The following NPSR1 variants were observed in gnomAD, a reference collection of about 807,000 sequenced individuals.
NPSR1 encodes neuropeptide S receptor 1.
Under a neutral mutation model 46.9 loss-of-function variants are expected in NPSR1, and 48 were observed. The ratio of observed to expected loss-of-function variants is 1.02; its 90% confidence interval spans 0.81 to 1.30. The LOEUF (loss-of-function observed/expected upper bound fraction) is 1.30. Ranked by LOEUF, NPSR1 falls within the 50% of genes most tolerant of loss-of-function variation. The pLI is 0.00. For synonymous variants in NPSR1, 176 were observed against 168.1 expected, an observed-to-expected ratio of 1.05 and a Z score of -0.36; for missense variants, 450 against 449.5, an observed-to-expected ratio of 1.00 and a Z score of -0.01.
chr7:34,789,684 T>A (rs1787630546), intron 3 of NPSR1, among the ~76,000 whole-genome samples: 1 of 126,576 alleles, frequency 7.9e-6, no homozygotes, highest in Admixed American at 1.0e-4. Context: ...TCCCAACTAC[T>A]CAGGAGGCTG....
At chr7:34,878,163 T>A (rs368014997) in exon 9 of NPSR1, 22 of 1,600,880 alleles carry the variant, frequency 1.4e-5, no homozygotes, top group Non-Finnish European at 1.9e-5. Context: ...CAGGTGTACC[T>A]TCCTGGGCTC....
chr7:34,711,685 ACT>A (rs971009679), intron 2 of NPSR1, among the ~76,000 whole-genome samples: 2 of 152,234 alleles, frequency 1.3e-5, no homozygotes, highest in Non-Finnish European at 2.9e-5. Flanking sequence ...GCTGAGAAAC[ACT>A]GAGACGATGC....
At chr7:34,697,610 CAATGT>C (rs1376463911) in intron 2 of NPSR1, among the ~76,000 whole-genome samples, 1 of 151,800 alleles carries the variant, frequency 6.6e-6, no homozygotes, top group Non-Finnish European at 1.5e-5. Context: ...ATTTCTAATG[CAATGT>C]AAATTCTATA....
At position 34,780,986 on chromosome 7, in the gene NPSR1, G is replaced by A. The variant is rs528362215; in HGVS notation, c.384+2421G>A. The stretch of plus-strand genomic sequence containing the variant: ...GACTAACCAAAGCTTAAGAACATAC[G>A]CTGAGTAATGAGATATCCATAGGGG... On this transcript the variant is annotated intron_variant, in intron 3 of 8. Coordinates refer to ENST00000360581, the MANE Select transcript of NPSR1 (RefSeq NM_207172.2). 9.2e-5 allele frequency among the ~76,000 whole-genome samples: 14 copies of A among 152,248 alleles called. No homozygotes were observed. The South Asian group carries it at 2.5e-3, about 27-fold the overall frequency.
At chr7:34,754,581 C>T (rs2128725726) in intron 2 of NPSR1, among the ~76,000 whole-genome samples, 1 of 152,066 alleles carries the variant, frequency 6.6e-6, no homozygotes, top group East Asian at 1.9e-4. Flanking sequence ...GAGGCCCAGA[C>T]AGGCTTCACC....
chr7:34,697,288 G>A (rs772961869), intron 2 of NPSR1, among the ~76,000 whole-genome samples: 7 of 151,946 alleles, frequency 4.6e-5, no homozygotes, highest in Non-Finnish European at 7.4e-5. Context: ...CCTGGATGTA[G>A]TAAAAGTACT....
At chr7:34,733,816 T>C (rs1031322899) in intron 2 of NPSR1, among the ~76,000 whole-genome samples, 3 of 152,246 alleles carry the variant, frequency 2.0e-5, no homozygotes, top group Non-Finnish European at 4.4e-5. Flanking sequence ...TAAAATTACA[T>C]GACTTTCCAG....
At chr7:34,662,771 C>T (rs1418254541) in intron 1 of NPSR1, among the ~76,000 whole-genome samples, 6 of 152,100 alleles carry the variant, frequency 3.9e-5, no homozygotes, top group African/African-American at 7.2e-5. Context: ...TAAACTCTAC[C>T]GTGCAGTGTG....
At chr7:34,834,361 AC>A (rs773428469) in intron 5 of NPSR1, 22 bp from the exon 6 acceptor site, 1 of 1,597,944 alleles carries the variant, frequency 6.3e-7, no homozygotes, top group African/African-American at 1.3e-5. Context: ...TCACTTTAAT[AC>A]TACCTTTGGT....
At chr7:34,698,302 C>A (rs1294966027) in intron 2 of NPSR1, among the ~76,000 whole-genome samples, 2 of 151,984 alleles carry the variant, frequency 1.3e-5, no homozygotes, top group Non-Finnish European at 2.9e-5. Context: ...ATTTTGTATA[C>A]TTTTCTTTAT....
At chr7:34,790,910 T>G (rs1454055549) in intron 3 of NPSR1, among the ~76,000 whole-genome samples, 3 of 134,404 alleles carry the variant, frequency 2.2e-5, no homozygotes, top group South Asian at 2.2e-4. Flanking sequence ...TATGTTATAT[T>G]ATATATCATA....
chr7:34,732,737 C>T (rs1197450596), intron 2 of NPSR1, among the ~76,000 whole-genome samples: 1 of 152,120 alleles, frequency 6.6e-6, no homozygotes, highest in Non-Finnish European at 1.5e-5. Context: ...TATAACACAT[C>T]ACTAAACAAG....
At chr7:34,671,922 C>A (rs1440174298) in intron 1 of NPSR1, among the ~76,000 whole-genome samples, 1 of 152,192 alleles carries the variant, frequency 6.6e-6, no homozygotes, top group Non-Finnish European at 1.5e-5. Context: ...TTCTCAGACA[C>A]TTTCCCTTTT....
intron 2 of NPSR1, among the ~76,000 whole-genome samples, chr7:34,727,575 T>C (rs1562682887): frequency 6.6e-6 from 1 of 152,226 alleles, no homozygotes; most frequent in Non-Finnish European, 1.5e-5. Flanking sequence ...TGTTCACTTT[T>C]GTCATCCGGT....
intron 8 of NPSR1, among the ~76,000 whole-genome samples, chr7:34,865,403 T>A (rs1417461358): frequency 6.6e-6 from 1 of 151,558 alleles, no homozygotes; most frequent in Admixed American, 6.6e-5. Context: ...GCTCCCCCCA[T>A]GAAAAAGAGG....
chr7:34,726,029 T>C (rs573689420), intron 2 of NPSR1, among the ~76,000 whole-genome samples: 75 of 152,230 alleles, frequency 4.9e-4, no homozygotes, highest in African/African-American at 1.7e-3. Context: ...CTCTAAATCA[T>C]ATGTGGAGCT....
chr7:34,708,083 C>A lies in NPSR1; in HGVS notation c.280+23399C>A, dbSNP rs182672111. Reference sequence around the variant, plus strand: ...CCTCATCTTTTTTTCTTCATTATCTCTTTAAAGTCCCTATCTCTAAGCATG... The same window carrying A: ...CCTCATCTTTTTTTCTTCATTATCTATTTAAAGTCCCTATCTCTAAGCATG... On this transcript the variant is annotated intron_variant, in intron 2 of 8. Coordinates refer to ENST00000360581, the MANE Select transcript of NPSR1 (RefSeq NM_207172.2). Among the ~76,000 whole-genome samples, 60 of 152,124 alleles carry A rather than the reference C, an allele frequency of 3.9e-4. 1 individual carries two copies. The East Asian group carries it at 8.5e-3, about 22-fold the overall frequency.
intron 2 of NPSR1, among the ~76,000 whole-genome samples, chr7:34,766,613 C>T (rs113271899): frequency 0.13 from 18,971 of 151,468 alleles, 1,450 homozygotes; most frequent in Non-Finnish European, 0.17. Context: ...CACTCTGTTT[C>T]CCAGGCTGGA....
chr7:34,709,255 G>C (rs1794265710), intron 2 of NPSR1, among the ~76,000 whole-genome samples: 1 of 152,154 alleles, frequency 6.6e-6, no homozygotes, highest in South Asian at 2.1e-4. Flanking sequence ...ACTTGGTCCT[G>C]TGCAACTGTG....
Sources: gnomAD v4.1 joint callset for allele counts (sites outside exome capture counted in the v4.1 genomes callset) on GRCh38, gnomAD v4.1.1 for gene constraint, MANE v1.5 for transcripts, NCBI Gene and HGNC (gene_info 2026-07-23, HGNC 2026-07-21) for gene names.